Variants in CYSLTR2 observed in about 807,000 individuals in gnomAD.
CYSLTR2 encodes the protein G-protein coupled receptor GPCR21.
For synonymous variants in CYSLTR2, 179 were observed against 160.8 expected, an observed-to-expected ratio of 1.11 and a Z score of -0.86; for missense variants, 398 against 411.9, an observed-to-expected ratio of 0.97 and a Z score of 0.29.
intron 1 of CYSLTR2, among the ~76,000 whole-genome samples, chr13:48,656,030 T>G (rs1952988986): frequency 6.6e-6 from 1 of 152,166 alleles, no homozygotes; most frequent in Non-Finnish European, 1.5e-5. Flanking sequence ...GCATTATAAG[T>G]GTGCTCATTT....
intron 1 of CYSLTR2, among the ~76,000 whole-genome samples, chr13:48,672,497 T>G (rs1953460710): frequency 6.6e-6 from 1 of 152,172 alleles, no homozygotes; most frequent in Admixed American, 6.5e-5. Context: ...CTCATTGGTT[T>G]CAAAGAATTT....
At chr13:48,674,566 A>C (rs1239649362) in intron 1 of CYSLTR2, among the ~76,000 whole-genome samples, 1 of 152,206 alleles carries the variant, frequency 6.6e-6, no homozygotes. Context: ...GGGCTAGAAC[A>C]TGATCCTTTA....
rs201860597 is a variant in CYSLTR2, at chr13:48,707,573, C to T, written c.756C>T (p.Thr252=). The T allele has an allele frequency of 3.7e-6, 6 of 1,608,980 alleles. No individual in the cohort carries two copies. Among genetic ancestry groups the T allele is most frequent in the East Asian group, 2.2e-5 (1 of 44,894 alleles). The part of the protein sequence containing the change: ...HRKALTTIII[T]LIIFFLCFLP... The stretch of plus-strand genomic sequence containing the variant: ...AGGCACTGACCACCATCATCATCAC[C>T]TTGATCATCTTCTTCTTGTGTTTCC... The change falls in exon 5 of 5, where the codon ACC becomes ACT. Residue 252 remains threonine, a synonymous_variant. Coordinates refer to ENST00000682523, the MANE Select transcript of CYSLTR2 (RefSeq NM_001308476.3).
rs542941005 is a variant in CYSLTR2 at position 48,668,416 on chromosome 13, G to A, written c.-266+14399G>A. On this transcript the variant is annotated intron_variant, in intron 1 of 4. Transcript: ENST00000682523. Reference sequence around the variant, plus strand: ...CAGAGAGAGTGGCGTGAAAGGCACAGGAATAGGCATAAAGAAGTGCAAACC... The same window carrying A: ...CAGAGAGAGTGGCGTGAAAGGCACAAGAATAGGCATAAAGAAGTGCAAACC... 5.3e-5 allele frequency among the ~76,000 whole-genome samples: 8 copies of A among 152,178 alleles called. No homozygotes were observed. In the South Asian group the frequency reaches 6.2e-4, roughly 12 times the overall value.
chr13:48,705,275 C>G (rs1954450615), intron 4 of CYSLTR2, among the ~76,000 whole-genome samples: 1 of 152,102 alleles, frequency 6.6e-6, no homozygotes, highest in African/African-American at 2.4e-5. Flanking sequence ...ATGCATTTTT[C>G]CATCCTTTTA....
At chr13:48,702,897 A>T (rs373130791) in intron 4 of CYSLTR2, among the ~76,000 whole-genome samples, 7 of 152,260 alleles carry the variant, frequency 4.6e-5, no homozygotes, top group African/African-American at 1.7e-4. Flanking sequence ...TGACATCTTT[A>T]TTCCATTGTC....
chr13:48,687,488 T>C (rs1953925282), intron 1 of CYSLTR2, among the ~76,000 whole-genome samples: 1 of 152,154 alleles, frequency 6.6e-6, no homozygotes, highest in Non-Finnish European at 1.5e-5. Context: ...TTATCATCTA[T>C]CAATTATCTA....
intron 1 of CYSLTR2, among the ~76,000 whole-genome samples, chr13:48,685,102 G>A (rs1045067380): frequency 5.9e-5 from 9 of 152,110 alleles, no homozygotes; most frequent in Non-Finnish European, 1.2e-4. Flanking sequence ...GGTTTAATTG[G>A]CTCATGGTTC....
chr13:48,686,290 G>A (rs2138916828), intron 1 of CYSLTR2, among the ~76,000 whole-genome samples: 1 of 152,160 alleles, frequency 6.6e-6, no homozygotes, highest in South Asian at 2.1e-4. Context: ...GGATTCTCAG[G>A]GTCAAAGTCT....
chr13:48,692,771 T>C (rs962659372), intron 2 of CYSLTR2, among the ~76,000 whole-genome samples: 4 of 151,312 alleles, frequency 2.6e-5, no homozygotes, highest in Non-Finnish European at 5.9e-5. Context: ...TAGATATTTT[T>C]TGGTCTACTA....
chr13:48,658,585 T>G (rs1435660105), intron 1 of CYSLTR2, among the ~76,000 whole-genome samples: 1 of 152,114 alleles, frequency 6.6e-6, no homozygotes, highest in Non-Finnish European at 1.5e-5. Flanking sequence ...GAGTAAATGC[T>G]GGATGGGAAA....
intron 4 of CYSLTR2, among the ~76,000 whole-genome samples, chr13:48,696,862 G>T (rs908971856): frequency 2.6e-5 from 4 of 151,352 alleles, no homozygotes; most frequent in Admixed American, 2.0e-4. Flanking sequence ...GGCTCGGAGG[G>T]TCCCACGCCC....
At chr13:48,676,337 C>A (rs1379614398) in intron 1 of CYSLTR2, among the ~76,000 whole-genome samples, 1 of 152,124 alleles carries the variant, frequency 6.6e-6, no homozygotes, top group East Asian at 1.9e-4. Context: ...GAGGAATTTC[C>A]ATTTGGTCTG....
At chr13:48,691,019 T>G (rs1316544379) in intron 1 of CYSLTR2, among the ~76,000 whole-genome samples, 193 bp from the exon 2 acceptor site, 1 of 152,106 alleles carries the variant, frequency 6.6e-6, no homozygotes, top group African/African-American at 2.4e-5. Context: ...GTATAAGTAT[T>G]CTTTTTTTCT....
chr13:48,688,914 C>T (rs1953965708), intron 1 of CYSLTR2, among the ~76,000 whole-genome samples: 1 of 152,220 alleles, frequency 6.6e-6, no homozygotes, highest in Admixed American at 6.5e-5. Flanking sequence ...TCCTCTCCAG[C>T]ATCTGTTGCT....
At chr13:48,672,704 G>A (rs1373984253) in intron 1 of CYSLTR2, among the ~76,000 whole-genome samples, 3 of 144,652 alleles carry the variant, frequency 2.1e-5, no homozygotes, top group South Asian at 2.3e-4. Flanking sequence ...TGCAACCTCC[G>A]CCTCCTGGGT....
chr13:48,659,655 T>C (rs1056618178), intron 1 of CYSLTR2, among the ~76,000 whole-genome samples: 2 of 152,186 alleles, frequency 1.3e-5, no homozygotes, highest in Non-Finnish European at 2.9e-5. Flanking sequence ...GACCCTAATG[T>C]TGATCAATCC....
At chr13:48,697,449 C>T (rs1954222739) in intron 4 of CYSLTR2, among the ~76,000 whole-genome samples, 1 of 152,142 alleles carries the variant, frequency 6.6e-6, no homozygotes, top group Non-Finnish European at 1.5e-5. Context: ...GCTGAGGGTC[C>T]TGACTGTTAG....
chr13:48,655,375 T>A (rs1023224355), intron 1 of CYSLTR2, among the ~76,000 whole-genome samples: 9 of 152,226 alleles, frequency 5.9e-5, no homozygotes, highest in Non-Finnish European at 1.5e-5. Flanking sequence ...GGTGGCTCAC[T>A]CTGGCTTTCA....
Sources: gnomAD v4.1 joint callset for allele counts (sites outside exome capture counted in the v4.1 genomes callset) on GRCh38, gnomAD v4.1.1 for gene constraint, MANE v1.5 for transcripts, NCBI Gene and HGNC (gene_info 2026-07-23, HGNC 2026-07-21) for gene names.